Variants in PAX2 observed in about 807,000 individuals in gnomAD.
PAX2 encodes the protein paired box 2.
Under a neutral mutation model 41.7 loss-of-function variants are expected in PAX2, and 9 were observed. The ratio of observed to expected loss-of-function variants is 0.22; its 90% CI spans 0.13 to 0.38. The LOEUF (loss-of-function observed/expected upper bound fraction) is 0.38, where lower values mean the gene tolerates loss of function less well. Ranked by LOEUF, PAX2 falls within the 10% of genes least tolerant of loss-of-function variation. The pLI is 1.00. For synonymous variants in PAX2, 221 were observed against 212.7 expected (o/e 1.04, Z -0.34); for missense variants, 418 against 531.6 (o/e 0.79, Z 2.10).
chr10:100,772,525 C>A (rs1325408225), intron 3 of PAX2, among the ~76,000 whole-genome samples: 1 of 152,210 alleles, frequency 6.6e-6, no homozygotes, highest in Non-Finnish European at 1.5e-5. Context: ...CTGGCAGAGG[C>A]CCCCATGACC....
In PAX2 at chr10:100,750,707, G is replaced by C. The variant is rs79555199; in HGVS notation, c.226G>C (p.Gly76Arg). The change falls in exon 3 of 10, where the codon GGC (glycine) becomes CGC (arginine). Residue 76 changes from glycine (G) to arginine (R), a missense_variant. By Grantham distance (125) the Gly-to-Arg change is moderately radical (BLOSUM62 -2). This residue lies in a region of PAX2 where 108 missense variants were observed against 206.3 expected (regional missense o/e 0.52). Transcript: ENST00000355243. The surrounding 1 kb of genome is among the most constrained non-coding windows in gnomAD (Gnocchi z 4.1). ...SKILGRYYET[G>R]SIKPGVIGGS... Reference sequence around the variant, plus strand: ...TTCCCGGCGCAGGTACTACGAGACCGGCAGCATCAAGCCGGGTGTGATCGG... The same window carrying C: ...TTCCCGGCGCAGGTACTACGAGACCCGCAGCATCAAGCCGGGTGTGATCGG... The C allele has an allele frequency of 6.2e-7, 1 of 1,614,114 alleles. No homozygotes were observed.
chr10:100,781,382 A>G lies in PAX2; in HGVS notation c.616+17A>G. On this transcript the variant is annotated intron_variant, in intron 5 of 9. Coordinates refer to ENST00000355243, the MANE Select transcript of PAX2 (RefSeq NM_000278.5). The stretch of plus-strand genomic sequence containing the variant: ...GTGATGAAGGTAGGGAGGAGGGAAG[A>G]GGTGTGGCTTCCCCTTCACATGCTT... The G allele has an allele frequency of 6.2e-7, 1 of 1,613,516 alleles. No individual in the cohort carries two copies. The highest frequency in any genetic ancestry group is 1.1e-5 in the South Asian group (1 of 91,072).
chr10:100,801,532 G>A (rs557167741), intron 5 of PAX2, among the ~76,000 whole-genome samples: 166 of 152,346 alleles, frequency 1.1e-3, no homozygotes, highest in African/African-American at 3.8e-3. Context: ...CACCTGGAAT[G>A]GCCCAGTCCT....
At chr10:100,802,554 G>T (rs978419052) in intron 5 of PAX2, among the ~76,000 whole-genome samples, 1 of 152,204 alleles carries the variant, frequency 6.6e-6, no homozygotes, top group Admixed American at 6.5e-5. Context: ...CCTGATGAGA[G>T]ACTGGGTGTC....
At chr10:100,803,403 C>T (rs780206731) in intron 5 of PAX2, among the ~76,000 whole-genome samples, 1 of 151,968 alleles carries the variant, frequency 6.6e-6, no homozygotes, top group Non-Finnish European at 1.5e-5. Context: ...GCCCTCTCTC[C>T]TTGCCTTCAT....
intron 3 of PAX2, among the ~76,000 whole-genome samples, chr10:100,775,293 T>C (rs74563960): frequency 9.5e-4 from 144 of 152,298 alleles, no homozygotes; most frequent in African/African-American, 3.2e-3. Context: ...CAACAACTGC[T>C]TTACTTCATT....
chr10:100,806,617 G>C lies in PAX2; in HGVS notation c.792+12G>C. 6.2e-7 allele frequency: 1 copy of C among 1,612,538 alleles called. No homozygotes were observed. The highest frequency in any genetic ancestry group is 8.5e-7 in the Non-Finnish European group (1 of 1,179,508). On this transcript the variant is annotated intron_variant, in intron 6 of 9. Coordinates refer to ENST00000355243, the MANE Select transcript of PAX2 (RefSeq NM_000278.5). Reference sequence around the variant, plus strand: ...TCAAATCAGAACAGGTGAGGAGGGAGCTTTCTGCTTGCAGAAGTAGAAAGG... The same window carrying C: ...TCAAATCAGAACAGGTGAGGAGGGACCTTTCTGCTTGCAGAAGTAGAAAGG...
chr10:100,748,185 A>G lies in PAX2; in HGVS notation c.44-1561A>G, dbSNP rs1845273850. On this transcript the variant is annotated intron_variant, in intron 1 of 9. Transcript: ENST00000355243. This position sits in a 1 kb window ranked among gnomAD's most constrained non-coding sequence, Gnocchi z 5.0. ...GAGGGGCCGGGCCCTGAGCCCGGGG[A>G]GGCTGAATTATTCATCTTTAATCTG... 2 of 984,642 alleles carry G rather than the reference A, an allele frequency of 2.0e-6. No homozygotes were observed. Among genetic ancestry groups the G allele is most frequent in the Non-Finnish European group, 2.4e-6 (2 of 829,822 alleles). The allele number at this position is 984,642 out of a possible 1,614,324, so 61.0% of individuals were successfully genotyped here.
Position 100,746,286 on chromosome 10 carries a change from C to T in PAX2, c.26C>T (p.Pro9Leu). 6.2e-7 allele frequency: 1 copy of T among 1,611,800 alleles called. No individual in the cohort carries two copies. Among genetic ancestry groups the T allele is most frequent in the Non-Finnish European group, 8.5e-7 (1 of 1,178,000 alleles). The change falls in exon 1 of 10, where the codon CCC (proline) becomes CTC (leucine). Residue 9 changes from proline (P) to leucine (L), a missense_variant. By Grantham distance (98) the Pro-to-Leu change is moderately conservative. Around this residue, in one of 2 missense-constraint regions of PAX2, gnomAD observed 108 missense variants for 206.3 expected, o/e 0.52. Coordinates refer to ENST00000355243, the MANE Select transcript of PAX2 (RefSeq NM_000278.5). MDMHCKAD[P>L]FSAMHPGHGG... ...ATGGATATGCACTGCAAAGCAGACC[C>T]CTTCTCCGCGATGCACCGTGAGTAC...
In PAX2 at chr10:100,748,505, G is replaced by C. The variant is rs532433510; in HGVS notation, c.44-1241G>C. ...TCCGAAACTCGCGTGAGGCTAGCGG[G>C]GCAGGGGCTGCAGCTTGCCAGTCCG... On this transcript the variant is annotated intron_variant, in intron 1 of 9. Coordinates refer to ENST00000355243, the MANE Select transcript of PAX2 (RefSeq NM_000278.5). This position sits in a 1 kb window ranked among gnomAD's most constrained non-coding sequence, Gnocchi z 5.0. 2 of 985,266 alleles carry C rather than the reference G, an allele frequency of 2.0e-6. No individual in the cohort carries two copies. Among genetic ancestry groups the C allele is most frequent in the African/African-American group, 3.5e-5 (2 of 57,310 alleles). The allele number at this position is 985,266 out of a possible 1,614,324, so 61.0% of individuals were successfully genotyped here. A position where few individuals can be genotyped will look rare whatever the true frequency, so the allele number is the denominator to read the frequency against.
In PAX2 at chr10:100,829,261, C is replaced by G. The variant is rs1848696876; in HGVS notation, c.*1642C>G. The G allele has an allele frequency of 8.6e-6, 2 of 231,226 alleles. No homozygotes were observed. The highest frequency in any genetic ancestry group is 4.4e-5 in the African/African-American group (2 of 45,142). The allele number at this position is 231,226 out of a possible 1,614,324, so 14.3% of individuals were successfully genotyped here. ...CCTCTCTCCTCTCCGCTTCTCTCCC[C>G]CTCTGTCTCTGTCTCTCTCCGTCTC... On this transcript the variant is annotated 3_prime_UTR_variant, in exon 10 of 10. Transcript: ENST00000355243.
chr10:100,826,713 C>T lies in PAX2; in HGVS notation c.1022-296C>T, dbSNP rs1222600082. Among the ~76,000 whole-genome samples, 1 of 152,230 alleles carries T rather than the reference C, an allele frequency of 6.6e-6. No individual in the cohort carries two copies. The highest frequency in any genetic ancestry group is 1.5e-5 in the Non-Finnish European group (1 of 68,028). The stretch of plus-strand genomic sequence containing the variant: ...CAGGGTGGACGCGCCCCAATACAAA[C>T]CCTTCGTGGGTGGCCGCGAGCGCCT... On this transcript the variant is annotated intron_variant, in intron 8 of 9. Transcript: ENST00000355243. The surrounding 1 kb of genome is among the most constrained non-coding windows in gnomAD (Gnocchi z 5.5).
intron 3 of PAX2, among the ~76,000 whole-genome samples, chr10:100,773,780 C>T (rs1846294425): frequency 6.6e-6 from 1 of 151,820 alleles, no homozygotes; most frequent in African/African-American, 2.4e-5. Context: ...GACACTTAAC[C>T]TTTTTTACAG....
chr10:100,741,040 T>C (rs1180809840), upstream of PAX2, among the ~76,000 whole-genome samples: 2 of 152,182 alleles, frequency 1.3e-5, no homozygotes, highest in African/African-American at 4.8e-5. Flanking sequence ...GCTTGCATTG[T>C]TGTTGCTCCT....
In PAX2 at chr10:100,745,878, T is replaced by A. The variant is rs888096905; in HGVS notation, c.-383T>A. ...CCGCGCGCTCTCCGACCACCGCCTC[T>A]CGGATGACCAGGTTCCAGGGGAGCT... On this transcript the variant is annotated 5_prime_UTR_variant, in exon 1 of 10. Transcript: ENST00000355243. 4.0e-4 allele frequency: 435 copies of A among 1,080,042 alleles called. No homozygotes were observed. The highest frequency in any genetic ancestry group is 4.4e-4 in the Non-Finnish European group (395 of 891,502). 66.9% of individuals were successfully genotyped at this position (1,080,042 alleles called of 1,614,324 possible).
intron 3 of PAX2, among the ~76,000 whole-genome samples, chr10:100,767,412 G>A (rs948891114): frequency 3.3e-5 from 5 of 152,098 alleles, no homozygotes; most frequent in Non-Finnish European, 7.4e-5. Flanking sequence ...CCTGCTTCCC[G>A]AGACAGGACA....
chr10:100,747,770 G>A (rs1303388424), intron 1 of PAX2: 22 of 984,990 alleles, frequency 2.2e-5, no homozygotes, highest in Non-Finnish European at 2.5e-5. Flanking sequence ...GCGGGTCTCG[G>A]CGAGCGGGCC....
In PAX2 at chr10:100,781,255, C is replaced by G. The variant is rs758091898; in HGVS notation, c.506C>G (p.Thr169Arg). ...CCTTCCTCTCATCCAGTTCCCAGCACGGCCTCCCCTCCTGTTTCCAGCGCC... is the reference window on the plus strand; with the variant it reads ...CCTTCCTCTCATCCAGTTCCCAGCAGGGCCTCCCCTCCTGTTTCCAGCGCC... Reference protein sequence around the residue: ...TAPGHTIVPSTASPPVSSASN... With the variant: ...TAPGHTIVPSRASPPVSSASN... Residue 169 changes from threonine (T) to arginine (R), a missense_variant, in exon 5 of 10, where the codon ACG (threonine) becomes AGG (arginine). Thr to Arg is a moderately conservative substitution (Grantham distance 71, BLOSUM62 -1). Around this residue, in one of 2 missense-constraint regions of PAX2, gnomAD observed 310 missense variants for 325.2 expected, o/e 0.95. Transcript: ENST00000355243. The G allele has an allele frequency of 6.2e-7, 1 of 1,613,986 alleles. No individual in the cohort carries two copies. Among genetic ancestry groups the G allele is most frequent in the Non-Finnish European group, 8.5e-7 (1 of 1,179,854 alleles).
At position 100,828,472 on chromosome 10, in the gene PAX2, C is replaced by G. The variant is rs1330628820; in HGVS notation, c.*853C>G. The G allele has an allele frequency of 4.3e-6, 1 of 234,098 alleles. No individual in the cohort carries two copies. The highest frequency in any genetic ancestry group is 5.6e-5 in the Admixed American group (1 of 17,802). The allele number at this position is 234,098 out of a possible 1,614,324, so 14.5% of individuals were successfully genotyped here. A position where few individuals can be genotyped will look rare whatever the true frequency, so the allele number is the denominator to read the frequency against. ...AGCGTCTCTTCCACCTGCTGGCCTC[C>G]CAGTTTCCCCTCCTGCCAGTCCTTC... On this transcript the variant is annotated 3_prime_UTR_variant, in exon 10 of 10. Coordinates refer to ENST00000355243, the MANE Select transcript of PAX2 (RefSeq NM_000278.5). This position sits in a 1 kb window ranked among gnomAD's most constrained non-coding sequence, Gnocchi z 6.5.
Sources: allele counts gnomAD v4.1 joint callset (sites outside exome capture counted in the v4.1 genomes callset), GRCh38; gene constraint gnomAD v4.1.1; regional missense constraint gnomAD v4.1.1; non-coding constraint Gnocchi (gnomAD v3.1); transcripts MANE v1.5; gene names NCBI Gene and HGNC (gene_info 2026-07-23, HGNC 2026-07-21).